The following CHCHD3 variants were observed in gnomAD, a reference collection of about 807,000 sequenced individuals.
The protein encoded by CHCHD3 is MICOS complex subunit MIC19.
Under a neutral mutation model 38.2 loss-of-function variants are expected in CHCHD3, and 20 were observed. The ratio of observed to expected loss-of-function variants is 0.52; its 90% CI spans 0.37 to 0.76. The LOEUF (loss-of-function observed/expected upper bound fraction) is 0.76, where lower values mean the gene tolerates loss of function less well. CHCHD3 is among the 30% of genes least tolerant of loss of function. The pLI is 0.00. For synonymous variants in CHCHD3, 82 were observed against 100.0 expected, an observed-to-expected ratio of 0.82 and a Z score of 1.07; for missense variants, 245 against 279.2, an observed-to-expected ratio of 0.88 and a Z score of 0.87.
At chr7:132,995,045 A>C (rs115278014) in intron 3 of CHCHD3, among the ~76,000 whole-genome samples, 2,306 of 152,304 alleles carry the variant, frequency 0.015, 58 homozygotes, top group African/African-American at 0.052. Flanking sequence ...AAAGTTCAAA[A>C]ACAAATACAT....
intron 3 of CHCHD3, among the ~76,000 whole-genome samples, chr7:133,000,984 A>G (rs1275737955): frequency 6.6e-6 from 1 of 152,176 alleles, no homozygotes; most frequent in African/African-American, 2.4e-5. Context: ...ACAGAGGTAC[A>G]TGTTACAACT....
intron 6 of CHCHD3, among the ~76,000 whole-genome samples, chr7:132,800,109 TA>T (rs1806750176): frequency 6.6e-6 from 1 of 152,216 alleles, no homozygotes; most frequent in South Asian, 2.1e-4. Context: ...AAAAAATATA[TA>T]TCCAAGTATT....
At chr7:132,792,524 G>C (rs965653583) in intron 7 of CHCHD3, among the ~76,000 whole-genome samples, 1 of 152,172 alleles carries the variant, frequency 6.6e-6, no homozygotes, top group South Asian at 2.1e-4. Context: ...GAACGTTTAA[G>C]GTGGACAGCA....
At chr7:133,028,903 A>G (rs185177679) in intron 2 of CHCHD3, among the ~76,000 whole-genome samples, 16 of 150,996 alleles carry the variant, frequency 1.1e-4, no homozygotes, top group African/African-American at 3.9e-4. Flanking sequence ...AAAAAAAAAG[A>G]AAAGAAAAGA....
intron 4 of CHCHD3, 59 bp downstream of exon 4, chr7:132,975,110 C>T: frequency 7.6e-7 from 1 of 1,310,854 alleles, no homozygotes; most frequent in Non-Finnish European, 1.1e-6. Context: ...TTAGCTCTTC[C>T]CAAACATCAG....
At chr7:133,016,391 T>C (rs1189429555) in intron 3 of CHCHD3, among the ~76,000 whole-genome samples, 3 of 152,232 alleles carry the variant, frequency 2.0e-5, no homozygotes, top group African/African-American at 4.8e-5. Context: ...CCAGTGTGCA[T>C]GTTCTATGTA....
chr7:132,931,982 G>A (rs1161577732), intron 4 of CHCHD3, among the ~76,000 whole-genome samples: 1 of 152,208 alleles, frequency 6.6e-6, no homozygotes, highest in Non-Finnish European at 1.5e-5. Context: ...AAAATTTTGA[G>A]TTGCAAACCC....
intron 6 of CHCHD3, among the ~76,000 whole-genome samples, chr7:132,819,128 T>C (rs557813423): frequency 1.3e-5 from 2 of 152,336 alleles, no homozygotes; most frequent in East Asian, 3.9e-4. Context: ...ATAAAGAGGA[T>C]AAAATACAAT....
intron 4 of CHCHD3, among the ~76,000 whole-genome samples, chr7:132,924,291 A>G (rs2117243340): frequency 6.6e-6 from 1 of 152,302 alleles, no homozygotes; most frequent in African/African-American, 2.4e-5. Flanking sequence ...GTTTTGGCCT[A>G]ACATCTCACA....
At position 133,014,980 on chromosome 7, in the gene CHCHD3, G is replaced by A. The variant is rs1475977930; in HGVS notation, c.251+9566C>T. 2.6e-5 allele frequency among the ~76,000 whole-genome samples: 4 copies of A among 152,298 alleles called. No individual in the cohort carries two copies. The South Asian group carries it at 6.2e-4, about 24-fold the overall frequency. ...AAAAATGTCCCAATCTTAAGCTAAC[G>A]AGAACTGAACTCATGAGAAATTTAA... On this transcript the variant is annotated intron_variant, in intron 3 of 7. Coordinates refer to ENST00000262570, the MANE Select transcript of CHCHD3 (RefSeq NM_017812.4).
chr7:132,841,210 T>C (rs1220934324), intron 5 of CHCHD3, among the ~76,000 whole-genome samples: 2 of 152,226 alleles, frequency 1.3e-5, no homozygotes, highest in Non-Finnish European at 2.9e-5. Context: ...CTTACTGTCC[T>C]AATAACATCC....
At chr7:133,059,076 A>G (rs1023721794) in intron 2 of CHCHD3, among the ~76,000 whole-genome samples, 4 of 152,146 alleles carry the variant, frequency 2.6e-5, no homozygotes, top group African/African-American at 9.7e-5. Flanking sequence ...CTAGACTTCA[A>G]AGAGCAGGCC....
chr7:132,827,016 C>G (rs1807525317), intron 6 of CHCHD3, among the ~76,000 whole-genome samples: 1 of 152,090 alleles, frequency 6.6e-6, no homozygotes. Context: ...ATAAAATACT[C>G]TGAATGAACA....
chr7:132,818,100 G>A (rs1451017931), intron 6 of CHCHD3, among the ~76,000 whole-genome samples: 1 of 152,114 alleles, frequency 6.6e-6, no homozygotes, highest in Non-Finnish European at 1.5e-5. Context: ...ATTTGCTATG[G>A]TTACAATTGC....
chr7:132,861,536 A>G (rs542380138), intron 5 of CHCHD3, among the ~76,000 whole-genome samples: 3 of 152,268 alleles, frequency 2.0e-5, no homozygotes, highest in Admixed American at 2.0e-4. Flanking sequence ...ACATAGTTGG[A>G]TATGTCCACA....
At chr7:132,878,015 A>G (rs1808957525) in intron 5 of CHCHD3, among the ~76,000 whole-genome samples, 1 of 152,190 alleles carries the variant, frequency 6.6e-6, no homozygotes, top group Non-Finnish European at 1.5e-5. Context: ...AGGGGGGAAT[A>G]TCAAACGGTT....
intron 4 of CHCHD3, among the ~76,000 whole-genome samples, chr7:132,967,666 T>A (rs149760472): frequency 2.5e-4 from 34 of 134,966 alleles, no homozygotes; most frequent in African/African-American, 8.9e-4. Context: ...AATAAATAAA[T>A]AAAATAAAAC....
intron 4 of CHCHD3, among the ~76,000 whole-genome samples, chr7:132,948,962 A>C (rs1364113084): frequency 6.6e-6 from 1 of 152,184 alleles, no homozygotes; most frequent in Non-Finnish European, 1.5e-5. Context: ...TTAGCACCAC[A>C]ATAACTAGGA....
At chr7:133,060,148 G>T (rs193291721) in intron 2 of CHCHD3, among the ~76,000 whole-genome samples, 3 of 152,110 alleles carry the variant, frequency 2.0e-5, no homozygotes, top group African/African-American at 7.2e-5. Flanking sequence ...AAATCTCCTC[G>T]ACCCTCTGAG....
Sources: gnomAD v4.1 joint callset for allele counts (sites outside exome capture counted in the v4.1 genomes callset) on GRCh38, gnomAD v4.1.1 for gene constraint, MANE v1.5 for transcripts, NCBI Gene and HGNC (gene_info 2026-07-23, HGNC 2026-07-21) for gene names.